TAFA5: variants seen among roughly 807,000 people sequenced by gnomAD.
TAFA5 encodes chemokine-like protein TAFA-5.
In TAFA5, 6 loss-of-function variants were observed where a neutral mutation model predicts 15.3. The observed-to-expected ratio is 0.39, with a 90% CI of 0.21 to 0.77. TAFA5 has a LOEUF of 0.77. TAFA5 is among the 30% of genes least tolerant of loss of function. The pLI is 0.41. For synonymous variants in TAFA5, 103 were observed against 80.7 expected, an observed-to-expected ratio of 1.28 and a Z score of -1.48; for missense variants, 161 against 193.1, an observed-to-expected ratio of 0.83 and a Z score of 0.98.
At chr22:48,733,377 AT>A (rs1358232921) in intron 3 of TAFA5, among the ~76,000 whole-genome samples, 4 of 152,184 alleles carry the variant, frequency 2.6e-5, no homozygotes, top group Admixed American at 1.3e-4. Flanking sequence ...CAGCTCTGAG[AT>A]TTTGGGACAC....
chr22:48,661,859 G>A (rs910056674), intron 2 of TAFA5, among the ~76,000 whole-genome samples: 6 of 152,104 alleles, frequency 3.9e-5, no homozygotes, highest in African/African-American at 1.2e-4. Context: ...CCACAGGGGT[G>A]ATGGTGACTG....
chr22:48,514,650 C>T, intron 1 of TAFA5, among the ~76,000 whole-genome samples: 1 of 152,176 alleles, frequency 6.6e-6, no homozygotes, highest in East Asian at 1.9e-4. Flanking sequence ...CCACTCATGC[C>T]AGCCAGGTGA....
At chr22:48,577,143 C>G (rs1923841987) in intron 1 of TAFA5, among the ~76,000 whole-genome samples, 1 of 152,258 alleles carries the variant, frequency 6.6e-6, no homozygotes, top group Admixed American at 6.5e-5. Flanking sequence ...GCGCCAAGTT[C>G]TGCCCCTGCT....
At chr22:48,540,052 A>T (rs1374206450) in intron 1 of TAFA5, among the ~76,000 whole-genome samples, 1 of 152,188 alleles carries the variant, frequency 6.6e-6, no homozygotes, top group East Asian at 1.9e-4. Flanking sequence ...GGTTAGGAGC[A>T]GCCGGGTAAA....
At chr22:48,592,291 G>GC (rs999574286) in intron 1 of TAFA5, among the ~76,000 whole-genome samples, 1 of 152,344 alleles carries the variant, frequency 6.6e-6, no homozygotes, top group African/African-American at 2.4e-5. Flanking sequence ...AGAGCCTGCA[G>GC]CCCCCCAGGG....
At chr22:48,676,064 TAA>T (rs58563419) in intron 2 of TAFA5, among the ~76,000 whole-genome samples, 4,690 of 152,268 alleles carry the variant, frequency 0.031, 245 homozygotes, top group African/African-American at 0.11. Context: ...AGGCTTGGAA[TAA>T]AACACAGAGC....
chr22:48,665,546 A>T (rs1240810176), intron 2 of TAFA5, among the ~76,000 whole-genome samples: 1 of 103,384 alleles, frequency 9.7e-6, no homozygotes, highest in Non-Finnish European at 2.0e-5. Flanking sequence ...GCCGTTTCTG[A>T]TTAAGTTCCA....
intron 2 of TAFA5, 36 bp downstream of exon 2, chr22:48,646,782 T>G: frequency 6.5e-7 from 1 of 1,535,516 alleles, no homozygotes; most frequent in Non-Finnish European, 8.7e-7. Context: ...CTCCGGGTGC[T>G]GAGCGCGGCG....
intron 2 of TAFA5, among the ~76,000 whole-genome samples, chr22:48,675,122 A>G (rs764645299): frequency 2.0e-5 from 3 of 152,060 alleles, no homozygotes; most frequent in Non-Finnish European, 2.9e-5. Context: ...TTGTATTTTT[A>G]GTAGAGATGG....
intron 2 of TAFA5, among the ~76,000 whole-genome samples, chr22:48,680,284 C>T (rs11912370): frequency 0.031 from 4,754 of 152,320 alleles, 243 homozygotes; most frequent in African/African-American, 0.11. Context: ...GTGTGCGTCC[C>T]ACGACCCAGG....
rs566474528 is a variant in TAFA5 at position 48,653,494 on chromosome 22, G to A, written c.262+6748G>A. Among the ~76,000 whole-genome samples, 26 of 152,322 alleles carry A rather than the reference G, an allele frequency of 1.7e-4. No homozygotes were observed. In the South Asian group the frequency reaches 4.3e-3, roughly 25 times the overall value. On this transcript the variant is annotated intron_variant, in intron 2 of 3. Coordinates refer to ENST00000402357, the MANE Select transcript of TAFA5 (RefSeq NM_001082967.3). ...ACTGTGGTGAAGTTGTTTCAGGGAG[G>A]AGCTGACTGCCCGGCCCGACCCATG...
intron 1 of TAFA5, among the ~76,000 whole-genome samples, chr22:48,582,908 C>G (rs772288616): frequency 2.7e-5 from 4 of 147,474 alleles, no homozygotes; most frequent in Non-Finnish European, 5.9e-5. Flanking sequence ...ACACCACACA[C>G]AAAATACACC....
At chr22:48,707,983 C>T (rs1259674458) in intron 3 of TAFA5, 139 bp downstream of exon 3, 27 of 1,078,864 alleles carry the variant, frequency 2.5e-5, no homozygotes, top group Non-Finnish European at 3.6e-5. Flanking sequence ...GGCCCTGTCT[C>T]CTCCCCCACC....
chr22:48,495,761 A>G (rs976461950), intron 1 of TAFA5, among the ~76,000 whole-genome samples: 4 of 152,116 alleles, frequency 2.6e-5, no homozygotes, highest in East Asian at 3.9e-4. Flanking sequence ...GCCCTGAACC[A>G]TAACTTCCCT....
At position 48,542,725 on chromosome 22, in the gene TAFA5, T is replaced by G. The variant is rs185785314; in HGVS notation, c.112+53021T>G. The stretch of plus-strand genomic sequence containing the variant: ...TGTGATGTGTGTATTAGTGTGTGTG[T>G]GGTGTGTATAGTGATATGTGTACTG... On this transcript the variant is annotated intron_variant, in intron 1 of 3. Coordinates refer to ENST00000402357, the MANE Select transcript of TAFA5 (RefSeq NM_001082967.3). 1.4e-3 allele frequency among the ~76,000 whole-genome samples: 204 copies of G among 145,580 alleles called. 1 individual carries two copies. The highest frequency in any genetic ancestry group is 5.0e-3 in the Admixed American group (72 of 14,490).
At chr22:48,636,473 GTGTC>G (rs1926448332) in intron 1 of TAFA5, among the ~76,000 whole-genome samples, 1 of 151,958 alleles carries the variant, frequency 6.6e-6, no homozygotes, top group African/African-American at 2.4e-5. Context: ...CTCATACTAA[GTGTC>G]TGTACAATCA....
At chr22:48,712,200 G>A (rs1225621757) in intron 3 of TAFA5, among the ~76,000 whole-genome samples, 1 of 152,180 alleles carries the variant, frequency 6.6e-6, no homozygotes, top group Admixed American at 6.5e-5. Flanking sequence ...GGAATTACAG[G>A]CACCCACCAT....
intron 1 of TAFA5, among the ~76,000 whole-genome samples, chr22:48,557,242 G>A (rs566304693): frequency 4.6e-5 from 7 of 152,304 alleles, no homozygotes; most frequent in Non-Finnish European, 7.4e-5. Flanking sequence ...AAATGGGGTC[G>A]TAAGGGTGGG....
chr22:48,635,241 G>A (rs1264286568), intron 1 of TAFA5, among the ~76,000 whole-genome samples: 3 of 152,238 alleles, frequency 2.0e-5, no homozygotes, highest in African/African-American at 4.8e-5. Flanking sequence ...AGAGGTTGAC[G>A]TGTGCTCGGG....
Sources: gnomAD v4.1 joint callset for allele counts (sites outside exome capture counted in the v4.1 genomes callset) on GRCh38, gnomAD v4.1.1 for gene constraint, MANE v1.5 for transcripts, NCBI Gene and HGNC (gene_info 2026-07-23, HGNC 2026-07-21) for gene names.